The following FLRT2 variants were observed in gnomAD, a reference collection of about 807,000 sequenced individuals.
The protein encoded by FLRT2 is fibronectin leucine rich transmembrane protein 2.
Under a neutral mutation model 40.0 loss-of-function variants are expected in FLRT2, and 15 were observed. That is an observed-to-expected ratio of 0.38 (90% CI 0.25 to 0.58). The LOEUF (loss-of-function observed/expected upper bound fraction) is 0.58. FLRT2 is among the 20% of genes least tolerant of loss of function. FLRT2 has a pLI of 0.71. For synonymous variants in FLRT2, 380 were observed against 336.8 expected (o/e 1.13, Z -1.41); for missense variants, 726 against 840.0 (o/e 0.86, Z 1.68).
At position 85,579,450 on chromosome 14, in the gene FLRT2, A is replaced by G. The variant is rs530641325; in HGVS notation, c.-376-41689A>G. Among the ~76,000 whole-genome samples the G allele has an allele frequency of 2.8e-3, 421 of 151,670 alleles. 1 individual carries two copies. The highest frequency in any genetic ancestry group is 0.01 in the African/African-American group (413 of 41,298). ...ACCAGGATTTGGAAATTGGACATAA[A>G]CCCATTTCATTTATGCTTAGGTTAT... is the stretch of plus-strand genomic sequence containing the variant. On this transcript the variant is annotated intron_variant, in intron 1 of 1. Coordinates refer to ENST00000330753, the MANE Select transcript of FLRT2 (RefSeq NM_013231.6).
At chr14:85,591,341 G>A (rs894769526) in intron 1 of FLRT2, among the ~76,000 whole-genome samples, 1 of 152,158 alleles carries the variant, frequency 6.6e-6, no homozygotes, top group Non-Finnish European at 1.5e-5. Context: ...GAGTCACTGA[G>A]GATTGGGTAA....
Position 85,635,303 on chromosome 14 carries a change from T to C in FLRT2, c.*11806T>C, listed in dbSNP as rs568761906. The stretch of plus-strand genomic sequence containing the variant: ...ATTTATATCATCTTCACTTCAGTGG[T>C]TGGCATATATTCAAACCCATTATGG... On this transcript the variant is annotated 3_prime_UTR_variant, in exon 2 of 2. Coordinates refer to ENST00000330753, the MANE Select transcript of FLRT2 (RefSeq NM_013231.6). The C allele has an allele frequency of 6.6e-6, 1 of 152,238 alleles. No homozygotes were observed. The highest frequency in any genetic ancestry group is 1.9e-4 in the East Asian group (1 of 5,180). 9.4% of individuals were successfully genotyped at this position (152,238 alleles called of 1,614,324 possible).
chr14:85,612,675 A>C (rs1170901248), intron 1 of FLRT2, among the ~76,000 whole-genome samples: 1 of 152,140 alleles, frequency 6.6e-6, no homozygotes, highest in Middle Eastern at 3.2e-3. Context: ...ACATAGCCTG[A>C]CACCTCAGCA....
At chr14:85,592,119 A>C (rs1377700129) in intron 1 of FLRT2, among the ~76,000 whole-genome samples, 2 of 150,268 alleles carry the variant, frequency 1.3e-5, no homozygotes, top group East Asian at 3.9e-4. Flanking sequence ...TCGTTAAAAC[A>C]GATGTGACAG....
Position 85,642,597 on chromosome 14 carries a change from A to C in FLRT2, c.*19100A>C, listed in dbSNP as rs189595612. 1 of 152,318 alleles carries C rather than the reference A, an allele frequency of 6.6e-6. No homozygotes were observed. The highest frequency in any genetic ancestry group is 2.4e-5 in the African/African-American group (1 of 41,576). 9.4% of individuals were successfully genotyped at this position (152,318 alleles called of 1,614,324 possible). On this transcript the variant is annotated 3_prime_UTR_variant, in exon 2 of 2. Transcript: ENST00000330753. ...TAGTTTGTTATTTTTTATCAGGAGA[A>C]ATCTGCGGACTATGTATGGCAACAG...
chr14:85,599,219 C>CT (rs67876387), intron 1 of FLRT2, among the ~76,000 whole-genome samples: 3,507 of 129,108 alleles, frequency 0.027, 60 homozygotes, highest in South Asian at 0.064. Flanking sequence ...TGCGCCTGGC[C>CT]TTTTTTTTTT....
intron 1 of FLRT2, among the ~76,000 whole-genome samples, chr14:85,546,096 G>T (rs916033166): frequency 6.6e-6 from 1 of 152,198 alleles, no homozygotes; most frequent in African/African-American, 2.4e-5. Context: ...AATAAGCACA[G>T]TATGTGCTTG....
chr14:85,621,768 A>G lies in FLRT2; in HGVS notation c.254A>G (p.His85Arg). Residue 85 changes from histidine to arginine, a missense_variant, in exon 2 of 2, where the codon CAC (histidine) becomes CGC (arginine). Transcript: ENST00000330753. Reference protein sequence around the residue: ...INNAGFPAELHNVQSVHTVYL... With the variant: ...INNAGFPAELRNVQSVHTVYL... ...AATGCTGGATTTCCTGCAGAACTGC[A>G]CAATGTACAGTCGGTGCACACGGTC... 6.2e-7 allele frequency: 1 copy of G among 1,614,244 alleles called. No individual in the cohort carries two copies. Among genetic ancestry groups the G allele is most frequent in the Non-Finnish European group, 8.5e-7 (1 of 1,180,038 alleles).
chr14:85,612,383 A>C (rs775445015), intron 1 of FLRT2, among the ~76,000 whole-genome samples: 1 of 152,360 alleles, frequency 6.6e-6, no homozygotes, highest in Non-Finnish European at 1.5e-5. Flanking sequence ...TTTTAAAGGT[A>C]GCTTTTAAAA....
chr14:85,567,013 G>A lies in FLRT2; in HGVS notation c.-377+36479G>A, dbSNP rs559100946. On this transcript the variant is annotated intron_variant, in intron 1 of 1. Coordinates refer to ENST00000330753, the MANE Select transcript of FLRT2 (RefSeq NM_013231.6). Reference sequence around the variant, plus strand: ...CAAAATTTCTCATGATTGAAACAGTGTCATTGAAAGTTGGGGGAAGGACAC... The same window carrying A: ...CAAAATTTCTCATGATTGAAACAGTATCATTGAAAGTTGGGGGAAGGACAC... 4.6e-5 allele frequency among the ~76,000 whole-genome samples: 7 copies of A among 152,266 alleles called. No individual in the cohort carries two copies. In the South Asian group the frequency reaches 8.3e-4, roughly 18 times the overall value.
At chr14:85,593,415 G>A (rs1040428904) in intron 1 of FLRT2, among the ~76,000 whole-genome samples, 5 of 152,078 alleles carry the variant, frequency 3.3e-5, no homozygotes, top group Non-Finnish European at 7.3e-5. Context: ...GGCCAGTAAG[G>A]TTAATTTAGA....
In FLRT2 at chr14:85,626,946, A is replaced by G. The variant is rs1893707173; in HGVS notation, c.*3449A>G. Reference sequence around the variant, plus strand: ...AGAACTTCCTTCCCCACCAGGGAGGACAACATCTTCATGCTGTGATTGAAG... The same window carrying G: ...AGAACTTCCTTCCCCACCAGGGAGGGCAACATCTTCATGCTGTGATTGAAG... On this transcript the variant is annotated 3_prime_UTR_variant, in exon 2 of 2. Transcript: ENST00000330753. 1 of 167,064 alleles carries G rather than the reference A, an allele frequency of 6.0e-6. No individual in the cohort carries two copies. Among genetic ancestry groups the G allele is most frequent in the Non-Finnish European group, 1.5e-5 (1 of 68,124 alleles). 10.3% of individuals were successfully genotyped at this position (167,064 alleles called of 1,614,324 possible).
At chr14:85,560,611 TA>T (rs913603326) in intron 1 of FLRT2, among the ~76,000 whole-genome samples, 7 of 147,892 alleles carry the variant, frequency 4.7e-5, no homozygotes, top group African/African-American at 1.7e-4. Flanking sequence ...AAGAAATAAA[TA>T]AAAAATAAAG....
chr14:85,546,964 G>T (rs1401075882), intron 1 of FLRT2, among the ~76,000 whole-genome samples: 8 of 152,166 alleles, frequency 5.3e-5, no homozygotes, highest in African/African-American at 1.9e-4. Flanking sequence ...ATCGTCACGT[G>T]TTCTGTCACT....
chr14:85,635,642 A>T lies in FLRT2; in HGVS notation c.*12145A>T, dbSNP rs952876176. 3 of 152,090 alleles carry T rather than the reference A, an allele frequency of 2.0e-5. No individual in the cohort carries two copies. Among genetic ancestry groups the T allele is most frequent in the Non-Finnish European group, 4.4e-5 (3 of 67,964 alleles). 9.4% of individuals were successfully genotyped at this position (152,090 alleles called of 1,614,324 possible). A position where few individuals can be genotyped will look rare whatever the true frequency, so the allele number is the denominator to read the frequency against. ...AAATAATAAATGTGGTTTATTTTTG[A>T]TGGAATAGAACAGATTTTAACCCTG... On this transcript the variant is annotated 3_prime_UTR_variant, in exon 2 of 2. Coordinates refer to ENST00000330753, the MANE Select transcript of FLRT2 (RefSeq NM_013231.6).
rs189815539 is a variant in FLRT2, at chr14:85,537,677, T to C, written c.-377+7143T>C. Among the ~76,000 whole-genome samples, 4 of 152,148 alleles carry C rather than the reference T, an allele frequency of 2.6e-5. No individual in the cohort carries two copies. The East Asian group carries it at 7.7e-4, about 29-fold the overall frequency. On this transcript the variant is annotated intron_variant, in intron 1 of 1. Coordinates refer to ENST00000330753, the MANE Select transcript of FLRT2 (RefSeq NM_013231.6). ...GAGATTCTTTTCAAGGTTTGAACTA[T>C]GTTCCTTTTTTAAAGGCTATGACAC...
intron 1 of FLRT2, among the ~76,000 whole-genome samples, chr14:85,565,422 A>T (rs976063414): frequency 6.6e-6 from 1 of 152,134 alleles, no homozygotes; most frequent in Admixed American, 6.6e-5. Context: ...ATTGGGCTGG[A>T]TGTAAAAATA....
At chr14:85,565,948 A>T (rs966079664) in intron 1 of FLRT2, among the ~76,000 whole-genome samples, 1 of 152,172 alleles carries the variant, frequency 6.6e-6, no homozygotes, top group Non-Finnish European at 1.5e-5. Context: ...TCAGTAGAGG[A>T]TGAAAGGATG....
At chr14:85,533,436 C>A (rs958269689) in intron 1 of FLRT2, among the ~76,000 whole-genome samples, 1 of 152,162 alleles carries the variant, frequency 6.6e-6, no homozygotes, top group Admixed American at 6.5e-5. Context: ...CGCAGCGCCG[C>A]ACGCCCGGCT....
Sources: allele counts gnomAD v4.1 joint callset (sites outside exome capture counted in the v4.1 genomes callset), GRCh38; gene constraint gnomAD v4.1.1; transcripts MANE v1.5; gene names NCBI Gene and HGNC (gene_info 2026-07-23, HGNC 2026-07-21).